KREMEN1: variants seen among roughly 807,000 people sequenced by gnomAD.
KREMEN1 encodes kremen protein 1.
Under a neutral mutation model 46.5 loss-of-function variants are expected in KREMEN1, and 30 were observed. The ratio of observed to expected loss-of-function variants is 0.65; its 90% confidence interval spans 0.48 to 0.88. The LOEUF (loss-of-function observed/expected upper bound fraction) is 0.88. Ranked by LOEUF, KREMEN1 falls within the 40% of genes least tolerant of loss-of-function variation. The pLI, the probability that KREMEN1 is intolerant of heterozygous loss-of-function variation, is 0.00. For synonymous variants in KREMEN1, 214 were observed against 230.6 expected (o/e 0.93, Z 0.65); for missense variants, 533 against 596.9 (o/e 0.89, Z 1.11).
chr22:29,129,819 G>T (rs1455411697), intron 5 of KREMEN1, among the ~76,000 whole-genome samples: 1 of 152,236 alleles, frequency 6.6e-6, no homozygotes, highest in Non-Finnish European at 1.5e-5. Flanking sequence ...TTTTCAGCAA[G>T]CTCATGGACT....
intron 9 of KREMEN1, among the ~76,000 whole-genome samples, chr22:29,156,770 G>A (rs1042235715): frequency 5.9e-5 from 9 of 152,208 alleles, no homozygotes; most frequent in Non-Finnish European, 8.8e-5. Flanking sequence ...GCAGGCACTC[G>A]GTCATCTTGA....
chr22:29,081,936 A>G (rs1649663743), intron 1 of KREMEN1, among the ~76,000 whole-genome samples: 1 of 152,178 alleles, frequency 6.6e-6, no homozygotes, highest in Admixed American at 6.5e-5. Context: ...TGTCTATCCC[A>G]TATCAGCCAA....
At chr22:29,159,417 G>A (rs1469884053) in intron 9 of KREMEN1, among the ~76,000 whole-genome samples, 3 of 151,076 alleles carry the variant, frequency 2.0e-5, no homozygotes, top group African/African-American at 7.3e-5. Flanking sequence ...TCAGGAGTTC[G>A]AGACCAGCCT....
At chr22:29,152,932 CATGGG>C (rs2038928064) in intron 9 of KREMEN1, among the ~76,000 whole-genome samples, 1 of 152,222 alleles carries the variant, frequency 6.6e-6, no homozygotes, top group African/African-American at 2.4e-5. Flanking sequence ...AGAGCAGCGG[CATGGG>C]CTGCTTGACT....
intron 1 of KREMEN1, among the ~76,000 whole-genome samples, chr22:29,082,810 C>T (rs1003022564): frequency 2.2e-4 from 33 of 152,316 alleles, no homozygotes; most frequent in African/African-American, 7.7e-4. Flanking sequence ...TATTCTAGAC[C>T]CTGAGCCTTC....
intron 3 of KREMEN1, among the ~76,000 whole-genome samples, chr22:29,113,826 C>T (rs915613144): frequency 6.6e-6 from 1 of 152,150 alleles, no homozygotes; most frequent in African/African-American, 2.4e-5. Context: ...GCATAATGGC[C>T]CTCCCTCTTA....
Position 29,115,550 on chromosome 22 carries a change from G to A in KREMEN1, c.353-5807G>A, listed in dbSNP as rs538587514. On this transcript the variant is annotated intron_variant, in intron 3 of 8. Coordinates refer to ENST00000400335, the MANE Select transcript of KREMEN1 (RefSeq NM_001039570.3). ...TCCTAGAGCACCTGCTTTGTGACCGGGACCACTCCAGGCCCTGGGAATACA... is the reference window on the plus strand; with the variant it reads ...TCCTAGAGCACCTGCTTTGTGACCGAGACCACTCCAGGCCCTGGGAATACA... Among the ~76,000 whole-genome samples the A allele has an allele frequency of 2.0e-5, 3 of 152,326 alleles. No homozygotes were observed. The East Asian group carries it at 5.8e-4, about 29-fold the overall frequency.
chr22:29,091,200 T>G (rs1157655890), intron 1 of KREMEN1, among the ~76,000 whole-genome samples: 1 of 152,216 alleles, frequency 6.6e-6, no homozygotes, highest in Non-Finnish European at 1.5e-5. Context: ...CTCGAACTCC[T>G]GACCTCAGGT....
chr22:29,148,606 C>T (rs1434565071), downstream of KREMEN1, among the ~76,000 whole-genome samples: 1 of 152,020 alleles, frequency 6.6e-6, no homozygotes, highest in Non-Finnish European at 1.5e-5. Flanking sequence ...AGGCGCCCGC[C>T]ACCACGCCCA....
Position 29,137,653 on chromosome 22 carries a change from G to A in KREMEN1, c.943G>A (p.Gly315Arg), listed in dbSNP as rs187815593. The A allele has an allele frequency of 2.5e-6, 4 of 1,595,566 alleles. No homozygotes were observed. The East Asian group carries it at 9.0e-5, about 36-fold the overall frequency. Residue 315 changes from glycine to arginine, a missense_variant, in exon 6 of 9, where the codon GGA (glycine) becomes AGA (arginine). Physicochemically the swap from Gly to Arg is moderately radical, Grantham distance 125. Transcript: ENST00000400335. ...CTCTGATCGCATCAATCAGGCCCAG[G>A]GATTTGCTGTTTTATACCAAGGTAA... ...FFSDRINQAQ[G>R]FAVLYQAVKE...
At chr22:29,096,072 T>C (rs2037878414) in intron 2 of KREMEN1, among the ~76,000 whole-genome samples, 1 of 152,212 alleles carries the variant, frequency 6.6e-6, no homozygotes, top group South Asian at 2.1e-4. Context: ...AATAGTTCTT[T>C]TATATTTTAT....
chr22:29,115,872 G>C (rs1397623995), intron 3 of KREMEN1, among the ~76,000 whole-genome samples: 1 of 152,218 alleles, frequency 6.6e-6, no homozygotes, highest in Non-Finnish European at 1.5e-5. Context: ...TGGGAAACTT[G>C]CAAATACACT....
intron 2 of KREMEN1, among the ~76,000 whole-genome samples, 187 bp downstream of exon 2, chr22:29,094,607 ACACACAC>A: frequency 7.5e-6 from 1 of 132,790 alleles, no homozygotes; most frequent in Admixed American, 7.4e-5. Flanking sequence ...ACACACACAC[ACACACAC>A]AATTTACCAC....
At chr22:29,074,951 A>G (rs2037543247) in intron 1 of KREMEN1, among the ~76,000 whole-genome samples, 1 of 152,224 alleles carries the variant, frequency 6.6e-6, no homozygotes, top group Non-Finnish European at 1.5e-5. Flanking sequence ...ATAGGGCCTC[A>G]CAGTTCATCG....
At chr22:29,151,085 T>G (rs2038911515), downstream of KREMEN1, among the ~76,000 whole-genome samples, 1 of 149,472 alleles carries the variant, frequency 6.7e-6, no homozygotes, top group South Asian at 2.1e-4. Flanking sequence ...CAAGGAAGAA[T>G]CAAACCTACA....
intron 3 of KREMEN1, among the ~76,000 whole-genome samples, chr22:29,106,814 A>G (rs1569320700): frequency 1.3e-5 from 2 of 152,248 alleles, no homozygotes; most frequent in South Asian, 4.1e-4. Flanking sequence ...TTCTGATAGT[A>G]TGGTGAATTA....
At chr22:29,141,261 A>ATG (rs144907162) in intron 8 of KREMEN1, among the ~76,000 whole-genome samples, 72 of 146,448 alleles carry the variant, frequency 4.9e-4, no homozygotes, top group Admixed American at 1.9e-3. Flanking sequence ...CTGCATGTGC[A>ATG]TGTGTGTGTG....
intron 1 of KREMEN1, among the ~76,000 whole-genome samples, chr22:29,075,592 T>G (rs1309305594): frequency 6.6e-6 from 1 of 152,122 alleles, no homozygotes; most frequent in African/African-American, 2.4e-5. Flanking sequence ...CTTTTTTGAC[T>G]TTTCCTGTCT....
chr22:29,120,336 AGG>A, intron 3 of KREMEN1, among the ~76,000 whole-genome samples: 1 of 144,222 alleles, frequency 6.9e-6, no homozygotes, highest in South Asian at 2.3e-4. Flanking sequence ...TGATGGAAAC[AGG>A]GAGGAGGGAG....
Sources: gnomAD v4.1 joint callset for allele counts (sites outside exome capture counted in the v4.1 genomes callset) on GRCh38, gnomAD v4.1.1 for gene constraint, MANE v1.5 for transcripts, NCBI Gene and HGNC (gene_info 2026-07-23, HGNC 2026-07-21) for gene names.